The following MAGI1 variants were observed in gnomAD, a reference collection of about 807,000 sequenced individuals.
MAGI1 encodes the protein membrane associated guanylate kinase, WW and PDZ domain containing 1, also known as membrane-associated guanylate kinase, WW and PDZ domain-containing protein 1.
A neutral mutation model predicts 139.9 loss-of-function variants in MAGI1; 58 were observed. That is an observed-to-expected ratio of 0.41 (90% confidence interval 0.34 to 0.52). The LOEUF (loss-of-function observed/expected upper bound fraction) is 0.52, where lower values mean the gene tolerates loss of function less well. MAGI1 is among the 20% of genes least tolerant of loss of function. MAGI1 has a pLI of 0.12. For missense variants in MAGI1, 1,874 were observed against 1,901.6 expected, an observed-to-expected ratio of 0.99 and a Z score of 0.27; for synonymous variants, 812 against 737.9, an observed-to-expected ratio of 1.10 and a Z score of -1.63.
chr3:65,414,953 C>T (rs1288204786), intron 12 of MAGI1, among the ~76,000 whole-genome samples: 18 of 143,542 alleles, frequency 1.3e-4, no homozygotes, highest in South Asian at 6.8e-4. Flanking sequence ...CGCTTGAACC[C>T]GGGAGGCAGA....
chr3:65,974,307 A>G (rs1344795478), intron 1 of MAGI1, among the ~76,000 whole-genome samples: 1 of 141,838 alleles, frequency 7.1e-6, no homozygotes, highest in East Asian at 2.3e-4. Flanking sequence ...GGAGAGTGGG[A>G]GGGAAGAAGG....
chr3:66,022,891 T>C (rs2068035957), intron 1 of MAGI1, among the ~76,000 whole-genome samples: 1 of 152,184 alleles, frequency 6.6e-6, no homozygotes. Context: ...AACTGTGCAT[T>C]TGCACTGTGA....
intron 1 of MAGI1, among the ~76,000 whole-genome samples, chr3:65,701,188 G>GAA (rs141522683): frequency 6.6e-6 from 1 of 152,036 alleles, no homozygotes; most frequent in East Asian, 1.9e-4. Flanking sequence ...GTTTACTAAT[G>GAA]AAAAAAACTG....
chr3:65,617,350 C>G (rs1576493372), intron 2 of MAGI1, among the ~76,000 whole-genome samples: 1 of 152,172 alleles, frequency 6.6e-6, no homozygotes, highest in South Asian at 2.1e-4. Flanking sequence ...TTCCAGAGAA[C>G]CAGAACTACT....
At chr3:65,420,119 C>A (rs569317815) in intron 12 of MAGI1, among the ~76,000 whole-genome samples, 107 of 152,042 alleles carry the variant, frequency 7.0e-4, no homozygotes, top group Non-Finnish European at 1.2e-3. Context: ...ATATATATGC[C>A]ACAGGGACTA....
chr3:65,930,000 T>C (rs979698162), intron 1 of MAGI1, among the ~76,000 whole-genome samples: 1 of 152,084 alleles, frequency 6.6e-6, no homozygotes. Context: ...ACAGCTTTCC[T>C]AGAAGGGCAA....
chr3:65,957,217 T>A, intron 1 of MAGI1, among the ~76,000 whole-genome samples: 1 of 151,944 alleles, frequency 6.6e-6, no homozygotes. Flanking sequence ...TATAGTATTA[T>A]ACAGAAGTCA....
chr3:65,916,240 T>A (rs1043903472), intron 1 of MAGI1, among the ~76,000 whole-genome samples: 1 of 152,144 alleles, frequency 6.6e-6, no homozygotes, highest in East Asian at 1.9e-4. Flanking sequence ...CCAGTTTTTT[T>A]GTATTTTTAG....
At chr3:66,027,052 A>G (rs997829065) in intron 1 of MAGI1, among the ~76,000 whole-genome samples, 3 of 151,168 alleles carry the variant, frequency 2.0e-5, no homozygotes, top group Non-Finnish European at 4.4e-5. Context: ...GGCGGATCAC[A>G]AGGTCAGGAG....
chr3:65,452,947 C>T (rs2107495957), intron 6 of MAGI1: 1 of 260,714 alleles, frequency 3.8e-6, no homozygotes, highest in East Asian at 7.2e-5. Flanking sequence ...TTCTTTATTC[C>T]TAGAGACTTT....
chr3:65,893,917 GGT>G (rs776768806), intron 1 of MAGI1: 2 of 152,198 alleles, frequency 1.3e-5, no homozygotes, highest in East Asian at 1.9e-4. Context: ...TGAAACCTCA[GGT>G]GTGTTTCACC....
At chr3:65,472,468 A>G (rs947032812) in intron 4 of MAGI1, among the ~76,000 whole-genome samples, 2 of 152,224 alleles carry the variant, frequency 1.3e-5, no homozygotes, top group African/African-American at 4.8e-5. Flanking sequence ...AGACAAAGAC[A>G]CTAAGAGTTC....
At chr3:65,523,982 GTGTT>G (rs1209354712) in intron 2 of MAGI1, among the ~76,000 whole-genome samples, 2 of 152,108 alleles carry the variant, frequency 1.3e-5, no homozygotes, top group Non-Finnish European at 1.5e-5. Flanking sequence ...AGTTACTACA[GTGTT>G]TGTTACAAAG....
chr3:65,364,933 G>A lies in MAGI1; in HGVS notation c.3210C>T (p.Ala1070=). Residue 1070 remains alanine, a synonymous_variant, in exon 19 of 23, where the codon GCC becomes GCT. Transcript: ENST00000402939. Reference sequence around the variant, plus strand: ...TCTTCTCTGCATTGGTCAGCAAGGTGGCATTCGAGGACTCTGCAAAGAGGG... The same window carrying A: ...TCTTCTCTGCATTGGTCAGCAAGGTAGCATTCGAGGACTCTGCAAAGAGGG... ...RIIPGDESSN[A]TLLTNAEKIA... 1 of 1,613,848 alleles carries A rather than the reference G, an allele frequency of 6.2e-7. No homozygotes were observed. The highest frequency in any genetic ancestry group is 1.7e-4 in the Middle Eastern group (1 of 6,058).
At chr3:65,842,486 C>A (rs977254315) in intron 1 of MAGI1, among the ~76,000 whole-genome samples, 2 of 152,014 alleles carry the variant, frequency 1.3e-5, no homozygotes, top group Non-Finnish European at 2.9e-5. Flanking sequence ...TCAGCCTTCC[C>A]GAGTAGCTGG....
chr3:65,702,416 G>T (rs1181123703), intron 1 of MAGI1, among the ~76,000 whole-genome samples: 1 of 152,122 alleles, frequency 6.6e-6, no homozygotes, highest in Non-Finnish European at 1.5e-5. Context: ...GGCTACCCCA[G>T]GAGACATCTC....
chr3:65,565,406 G>A (rs913985074), intron 2 of MAGI1, among the ~76,000 whole-genome samples: 1 of 152,118 alleles, frequency 6.6e-6, no homozygotes, highest in South Asian at 2.1e-4. Flanking sequence ...GACAGTAGTA[G>A]TTAAGAAAAT....
intron 13 of MAGI1, 80 bp downstream of exon 13, chr3:65,401,359 A>G: frequency 6.7e-7 from 1 of 1,489,070 alleles, no homozygotes; most frequent in South Asian, 1.2e-5. Context: ...AAGTGAAGCC[A>G]CACAGAGTAC....
Position 65,691,307 on chromosome 3 carries a change from A to AAAAAAAAAAAAAAAAAAAAAAAAAG in MAGI1, c.314-69220_314-69219insCTTTTTTTTTTTTTTTTTTTTTTTT, listed in dbSNP as rs1388046202. Among the ~76,000 whole-genome samples, 58 of 133,698 alleles carry AAAAAAAAAAAAAAAAAAAAAAAAAG rather than the reference A, an allele frequency of 4.3e-4. 1 individual carries two copies. Among genetic ancestry groups the AAAAAAAAAAAAAAAAAAAAAAAAAG allele is most frequent in the African/African-American group, 1.3e-3 (48 of 38,216 alleles). 87.7% of individuals were successfully genotyped at this position (133,698 alleles called of 152,430 possible). On this transcript the variant is annotated intron_variant, in intron 1 of 22. Coordinates refer to ENST00000402939, the MANE Select transcript of MAGI1 (RefSeq NM_001033057.2). ...GACAGAGCAAGACTCCGTCTCAAAA[A>AAAAAAAAAAAAAAAAAAAAAAAAAG]AAAAAAAAGAAAAGAAAAAGAAAAA...
Sources: gnomAD v4.1 joint callset for allele counts (sites outside exome capture counted in the v4.1 genomes callset) on GRCh38, gnomAD v4.1.1 for gene constraint, MANE v1.5 for transcripts, NCBI Gene and HGNC (gene_info 2026-07-23, HGNC 2026-07-21) for gene names.